The following ACSF3 variants were observed in gnomAD, a reference collection of about 807,000 sequenced individuals.
The protein encoded by ACSF3 is acyl-CoA synthetase family member 3.
In ACSF3, 78 loss-of-function variants were observed where a neutral mutation model predicts 53.2. The observed-to-expected ratio is 1.47, with a 90% CI of 1.22 to 1.77. ACSF3 has a LOEUF of 1.77. Ranked by LOEUF, ACSF3 falls within the 40% of genes most tolerant of loss-of-function variation. ACSF3 has a pLI of 0.00. For synonymous variants in ACSF3, 414 were observed against 333.1 expected (o/e 1.24, Z -2.65); for missense variants, 937 against 771.1 (o/e 1.22, Z -2.55).
At chr16:89,095,599 T>TC (rs1467695575) in intron 1 of ACSF3, among the ~76,000 whole-genome samples, 8 of 8,050 alleles carry the variant, frequency 9.9e-4, no homozygotes, top group African/African-American at 6.5e-3. Flanking sequence ...ACACAAGGTC[T>TC]GGGGGGGCGG....
At chr16:89,123,399 A>G (rs986295455) in intron 7 of ACSF3, among the ~76,000 whole-genome samples, 2 of 152,180 alleles carry the variant, frequency 1.3e-5, no homozygotes, top group Admixed American at 1.3e-4. Flanking sequence ...TGGTACTTTC[A>G]TCTGAGTCTC....
chr16:89,145,386 C>A lies in ACSF3; in HGVS notation c.1486C>A (p.His496Asn). The A allele has an allele frequency of 6.2e-7, 1 of 1,614,140 alleles. No individual in the cohort carries two copies. The highest frequency in any genetic ancestry group is 8.5e-7 in the Non-Finnish European group (1 of 1,180,018). ...GGAGGTGGAGTGGCACCTGCTGGCC[C>A]ACCCCAGCATCACAGGTGCGTGGCC... ...ALEVEWHLLA[H>N]PSITDVAVIG... Residue 496 changes from histidine (H) to asparagine (N), a missense_variant, in exon 9 of 11, where the codon CAC (histidine) becomes AAC (asparagine). His to Asn is a moderately conservative substitution (Grantham distance 68). Transcript: ENST00000614302.
At chr16:89,096,517 G>A (rs1974634392) in intron 1 of ACSF3, among the ~76,000 whole-genome samples, 1 of 152,178 alleles carries the variant, frequency 6.6e-6, no homozygotes, top group South Asian at 2.1e-4. Flanking sequence ...ACTGATGACT[G>A]GGCACTTCAT....
At chr16:89,116,328 T>A (rs1350911598) in intron 6 of ACSF3, among the ~76,000 whole-genome samples, 2 of 152,136 alleles carry the variant, frequency 1.3e-5, no homozygotes, top group Non-Finnish European at 2.9e-5. Flanking sequence ...GCCTGCTTGG[T>A]TCCTGGGACT....
intron 7 of ACSF3, among the ~76,000 whole-genome samples, chr16:89,129,118 A>G (rs1300910019): frequency 6.6e-6 from 1 of 152,092 alleles, no homozygotes; most frequent in African/African-American, 2.4e-5. Flanking sequence ...ACAGAGCAAG[A>G]GTGTGTGTCC....
At chr16:89,101,898 C>T (rs1186923331) in intron 3 of ACSF3, among the ~76,000 whole-genome samples, 2 of 152,198 alleles carry the variant, frequency 1.3e-5, no homozygotes, top group Admixed American at 1.3e-4. Flanking sequence ...CGTGGGCTGA[C>T]GAGGCGCCAT....
chr16:89,134,073 C>T (rs990916117), intron 8 of ACSF3, among the ~76,000 whole-genome samples: 1 of 152,170 alleles, frequency 6.6e-6, no homozygotes, highest in Non-Finnish European at 1.5e-5. Flanking sequence ...GGATAGTGGA[C>T]GTATATGGAT....
At chr16:89,104,546 C>T (rs1402766212) in intron 4 of ACSF3, among the ~76,000 whole-genome samples, 6 of 152,200 alleles carry the variant, frequency 3.9e-5, no homozygotes, top group Non-Finnish European at 8.8e-5. Flanking sequence ...GGACCCAAAC[C>T]CTAGTCAGGT....
chr16:89,124,082 GTGTGCGCATGGGTATCACACACATGCCTA>G (rs1305390601), intron 7 of ACSF3, among the ~76,000 whole-genome samples: 408 of 4,756 alleles, frequency 0.086, 2 homozygotes, highest in Middle Eastern at 0.25. Context: ...CACATGCCTA[GTGTGCGCATGGGTATCACACACATGCCTA>G]GTGTGCGCAT....
intron 8 of ACSF3, among the ~76,000 whole-genome samples, chr16:89,142,547 GCAGA>G (rs1567741286): frequency 1.4e-4 from 21 of 148,144 alleles, no homozygotes; most frequent in African/African-American, 5.3e-4. Flanking sequence ...ACCCACACCT[GCAGA>G]CACACCCACA....
intron 6 of ACSF3, among the ~76,000 whole-genome samples, chr16:89,117,241 C>G (rs1905278151): frequency 6.6e-6 from 1 of 152,194 alleles, no homozygotes; most frequent in African/African-American, 2.4e-5. Flanking sequence ...TGGGCGTCCT[C>G]TCTTTTGATC....
chr16:89,107,482 G>T (rs966960782), intron 4 of ACSF3, among the ~76,000 whole-genome samples: 1 of 146,270 alleles, frequency 6.8e-6, no homozygotes, highest in Non-Finnish European at 1.5e-5. Context: ...TCCGTTTTCC[G>T]TGCCTCAGTG....
intron 6 of ACSF3, among the ~76,000 whole-genome samples, chr16:89,117,920 ATG>A (rs1905484692): frequency 6.6e-6 from 1 of 151,808 alleles, no homozygotes; most frequent in African/African-American, 2.4e-5. Flanking sequence ...GGTGCCGGGG[ATG>A]CTCCCTCTTC....
chr16:89,103,155 GAC>G (rs1302942060), intron 4 of ACSF3, among the ~76,000 whole-genome samples: 1 of 152,272 alleles, frequency 6.6e-6, no homozygotes, highest in Non-Finnish European at 1.5e-5. Context: ...TCTGTTGTGA[GAC>G]TGCAGTGGGC....
intron 8 of ACSF3, among the ~76,000 whole-genome samples, chr16:89,136,252 T>A (rs1049102385): frequency 1.3e-5 from 2 of 152,384 alleles, no homozygotes; most frequent in African/African-American, 4.8e-5. Flanking sequence ...TGCTGAGGCA[T>A]GTTTCAGCCG....
At chr16:89,142,683 CCTCACCTGCAGAGATACAGG>C (rs1330622499) in intron 8 of ACSF3, among the ~76,000 whole-genome samples, 2 of 147,432 alleles carry the variant, frequency 1.4e-5, no homozygotes, top group African/African-American at 2.5e-5. Flanking sequence ...GCAGAGACAC[CCTCACCTGCAGAGATACAGG>C]CACACCTGCA....
In ACSF3 at chr16:89,155,139, C is replaced by T. The variant is rs1315349137; in HGVS notation, c.*932C>T. On this transcript the variant is annotated 3_prime_UTR_variant, in exon 11 of 11. Transcript: ENST00000614302. ...TTGCATTTACTTAGCGGGGCCAATT[C>T]AGATGCACAGGGGCCACATGCAGAA... 1 of 454,152 alleles carries T rather than the reference C, an allele frequency of 2.2e-6. No individual in the cohort carries two copies. Among genetic ancestry groups the T allele is most frequent in the South Asian group, 1.6e-5 (1 of 64,478 alleles). 28.1% of individuals were successfully genotyped at this position (454,152 alleles called of 1,614,324 possible). A position where few individuals can be genotyped will look rare whatever the true frequency, so the allele number is the denominator to read the frequency against.
intron 2 of ACSF3, among the ~76,000 whole-genome samples, chr16:89,099,156 A>G (rs1360005775): frequency 6.6e-6 from 1 of 152,246 alleles, no homozygotes; most frequent in African/African-American, 2.4e-5. Context: ...TCGCTCTGGA[A>G]TGCGGGGGCT....
intron 7 of ACSF3, 138 bp from the exon 8 acceptor site, chr16:89,132,998 C>T (rs1314542841): frequency 1.5e-5 from 19 of 1,302,306 alleles, no homozygotes; most frequent in African/African-American, 5.8e-5. Flanking sequence ...CCAAGCATTC[C>T]AACAAAGCGC....
Sources: allele counts gnomAD v4.1 joint callset (sites outside exome capture counted in the v4.1 genomes callset), GRCh38; gene constraint gnomAD v4.1.1; transcripts MANE v1.5; gene names NCBI Gene and HGNC (gene_info 2026-07-23, HGNC 2026-07-21).